AGAP1: variants seen among roughly 807,000 people sequenced by gnomAD.
AGAP1 encodes the protein ArfGAP with GTPase domain, ankyrin repeat and PH domain 1.
In AGAP1, 29 loss-of-function variants were observed where a neutral mutation model predicts 105.3. The observed-to-expected ratio is 0.28, with a 90% CI of 0.21 to 0.38. The LOEUF (loss-of-function observed/expected upper bound fraction) is 0.38. Ranked by LOEUF, AGAP1 falls within the 10% of genes least tolerant of loss-of-function variation. The pLI is 1.00. For missense variants in AGAP1, 998 were observed against 1,165.1 expected (o/e 0.86, Z 2.09); for synonymous variants, 509 against 485.9 (o/e 1.05, Z -0.63).
rs1945725512 is a variant in AGAP1 at position 235,601,371 on chromosome 2, TGTC to T, written c.163+106525_163+106527del. Among the ~76,000 whole-genome samples, 6 of 152,308 alleles carry T rather than the reference TGTC, an allele frequency of 3.9e-5. No homozygotes were observed. In the South Asian group the frequency reaches 1.0e-3, roughly 26 times the overall value. On this transcript the variant is annotated intron_variant, in intron 1 of 17. Coordinates refer to ENST00000304032, the MANE Select transcript of AGAP1 (RefSeq NM_001037131.3). The surrounding 1 kb of genome is among the most constrained non-coding windows in gnomAD (Gnocchi z 4.4). ...AAGAACACCAGTTGTATTAGTCTGT[TGTC>T]GTGCTGCTAATAAGCACATACCTGA...
At chr2:235,847,759 A>G (rs1351305497) in intron 9 of AGAP1, among the ~76,000 whole-genome samples, 1 of 152,178 alleles carries the variant, frequency 6.6e-6, no homozygotes, top group Non-Finnish European at 1.5e-5. Context: ...CCTAACGTGT[A>G]TCTCATGTGA....
intron 16 of AGAP1, among the ~76,000 whole-genome samples, chr2:236,060,768 A>C (rs2058169846): frequency 6.6e-6 from 1 of 152,220 alleles, no homozygotes; most frequent in African/African-American, 2.4e-5. Context: ...TCCAATTTAA[A>C]CATGGGCAAA....
chr2:235,611,366 A>C lies in AGAP1; in HGVS notation c.164-97813A>C, dbSNP rs530178854. On this transcript the variant is annotated intron_variant, in intron 1 of 17. Coordinates refer to ENST00000304032, the MANE Select transcript of AGAP1 (RefSeq NM_001037131.3). The surrounding 1 kb of genome is among the most constrained non-coding windows in gnomAD (Gnocchi z 5.0). ...ACGAATATAATAGAAAATGATGTTA[A>C]TATTCAAGGTCATGGCCATCCTCAA... is the stretch of plus-strand genomic sequence containing the variant. Among the ~76,000 whole-genome samples the C allele has an allele frequency of 6.6e-6, 1 of 152,348 alleles. No homozygotes were observed. Among genetic ancestry groups the C allele is most frequent in the East Asian group, 1.9e-4 (1 of 5,186 alleles).
intron 1 of AGAP1, among the ~76,000 whole-genome samples, chr2:235,657,573 G>T (rs1947814028): frequency 6.6e-6 from 1 of 152,114 alleles, no homozygotes; most frequent in South Asian, 2.1e-4. Flanking sequence ...TAGAGATGGG[G>T]GTTTCACCAT....
rs2059873963 is a variant in AGAP1 at position 236,120,467 on chromosome 2, G to T, written c.2370+20G>T. On this transcript the variant is annotated intron_variant, in intron 17 of 17. Transcript: ENST00000304032. The surrounding 1 kb of genome is among the most constrained non-coding windows in gnomAD (Gnocchi z 6.0). ...ATCTGGGTAGGTGGTCGGCACGCCT[G>T]GCAGAGGACGGGGCCACAGGAGGCA... is the stretch of plus-strand genomic sequence containing the variant. 6.2e-7 allele frequency: 1 copy of T among 1,610,516 alleles called. No individual in the cohort carries two copies. The highest frequency in any genetic ancestry group is 1.7e-5 in the Admixed American group (1 of 59,972).
intron 1 of AGAP1, among the ~76,000 whole-genome samples, chr2:235,529,156 A>G (rs1431116955): frequency 1.3e-5 from 2 of 152,092 alleles, no homozygotes; most frequent in Non-Finnish European, 1.5e-5. Context: ...CTGCGTTGTG[A>G]CAGAGCCCCT....
At chr2:235,501,332 C>G (rs1460523384) in intron 1 of AGAP1, among the ~76,000 whole-genome samples, 1 of 152,136 alleles carries the variant, frequency 6.6e-6, no homozygotes, top group Non-Finnish European at 1.5e-5. Context: ...GAGATTGTTG[C>G]TTTTTAATGT....
In AGAP1 at chr2:235,551,162, G is replaced by A. The variant is rs1009945924; in HGVS notation, c.163+56313G>A. Among the ~76,000 whole-genome samples the A allele has an allele frequency of 6.6e-6, 1 of 152,210 alleles. No individual in the cohort carries two copies. The highest frequency in any genetic ancestry group is 1.5e-5 in the Non-Finnish European group (1 of 68,040). On this transcript the variant is annotated intron_variant, in intron 1 of 17. Coordinates refer to ENST00000304032, the MANE Select transcript of AGAP1 (RefSeq NM_001037131.3). This position sits in a 1 kb window ranked among gnomAD's most constrained non-coding sequence, Gnocchi z 4.8. ...CCCACCTCCCTGGCCACCTCCAGTG[G>A]TGTGAGTTGGTTGCTTGATGTCATC... is the stretch of plus-strand genomic sequence containing the variant.
chr2:236,036,623 G>A lies in AGAP1; in HGVS notation c.1708G>A (p.Ala570Thr), dbSNP rs867640037. 12 of 1,614,192 alleles carry A rather than the reference G, an allele frequency of 7.4e-6. No individual in the cohort carries two copies. The highest frequency in any genetic ancestry group is 1.6e-4 in the Middle Eastern group (1 of 6,062). The change falls in exon 14 of 18, where the codon GCC becomes ACC. Residue 570 changes from alanine (A) to threonine (T), a missense_variant. Physicochemically the swap from Ala to Thr is moderately conservative, Grantham distance 58 (BLOSUM62 0). Around this residue, in one of 3 missense-constraint regions of AGAP1, gnomAD observed 735 missense variants for 833.4 expected, o/e 0.88. Coordinates refer to ENST00000304032, the MANE Select transcript of AGAP1 (RefSeq NM_001037131.3). The surrounding 1 kb of genome is among the most constrained non-coding windows in gnomAD (Gnocchi z 5.7). ...SLTGQTWHFE[A>T]TTYEERDAWV... ...CACTGGCCAAACATGGCACTTTGAA[G>A]CCACGACGTATGAGGAGCGGGACGC... is the stretch of plus-strand genomic sequence containing the variant.
intron 9 of AGAP1, among the ~76,000 whole-genome samples, chr2:235,839,221 C>T (rs1159778709): frequency 6.6e-6 from 1 of 152,186 alleles, no homozygotes; most frequent in African/African-American, 2.4e-5. Context: ...GAACACAAAC[C>T]TGTGCTTTTC....
intron 1 of AGAP1, among the ~76,000 whole-genome samples, chr2:235,653,357 G>A (rs553893170): frequency 2.6e-5 from 4 of 151,452 alleles, no homozygotes; most frequent in South Asian, 2.1e-4. Context: ...CCAGCTACTC[G>A]GGAGGCTGAG....
At chr2:235,540,764 C>A (rs1943409884) in intron 1 of AGAP1, among the ~76,000 whole-genome samples, 1 of 152,128 alleles carries the variant, frequency 6.6e-6, no homozygotes, top group Non-Finnish European at 1.5e-5. Flanking sequence ...GACGTGCACC[C>A]CCTTCACTTT....
chr2:236,090,528 G>C lies in AGAP1; in HGVS notation c.2115-29664G>C, dbSNP rs1424709594. Among the ~76,000 whole-genome samples, 3 of 152,174 alleles carry C rather than the reference G, an allele frequency of 2.0e-5. No homozygotes were observed. Among genetic ancestry groups the C allele is most frequent in the African/African-American group, 7.2e-5 (3 of 41,430 alleles). On this transcript the variant is annotated intron_variant, in intron 16 of 17. Coordinates refer to ENST00000304032, the MANE Select transcript of AGAP1 (RefSeq NM_001037131.3). This position sits in a 1 kb window ranked among gnomAD's most constrained non-coding sequence, Gnocchi z 4.3. ...AACAGAGGCATGGAAAAGCAAACGG[G>C]CTTTGCCAAGCGAGTGAGAGGCGGG...
intron 13 of AGAP1, among the ~76,000 whole-genome samples, chr2:236,017,297 A>AG (rs1239476642): frequency 6.6e-6 from 1 of 151,842 alleles, no homozygotes; most frequent in Non-Finnish European, 1.5e-5. Context: ...CATCTCAAAA[A>AG]AAAAAAAAAA....
chr2:235,670,305 T>C (rs1294799638), intron 1 of AGAP1: 14 of 456,724 alleles, frequency 3.1e-5, no homozygotes, highest in Non-Finnish European at 5.3e-5. Flanking sequence ...CCCGGGAGGC[T>C]TGAGGAGGAG....
At chr2:235,928,047 G>A (rs959617700) in intron 11 of AGAP1, among the ~76,000 whole-genome samples, 7 of 152,198 alleles carry the variant, frequency 4.6e-5, no homozygotes, top group African/African-American at 1.7e-4. Context: ...AGGTAGAGCA[G>A]GCCCAGAAGT....
At position 236,043,745 on chromosome 2, in the gene AGAP1, G is replaced by GGGGGGC. The variant is rs5839620; in HGVS notation, c.1891+2905_1891+2906insGGGGCG. ...CAAGGGAAAAAAAAAAAGTGGGGGG[G>GGGGGGC]GTGCTTAATTGAGATAAAGAAACTT... On this transcript the variant is annotated intron_variant, in intron 15 of 17. Transcript: ENST00000304032. 8.2e-4 allele frequency among the ~76,000 whole-genome samples: 123 copies of GGGGGGC among 149,122 alleles called. 2 individuals carry two copies. The highest frequency in any genetic ancestry group is 3.0e-3 in the African/African-American group (117 of 39,612).
At chr2:236,064,000 C>T (rs914582415) in intron 16 of AGAP1, among the ~76,000 whole-genome samples, 1 of 152,202 alleles carries the variant, frequency 6.6e-6, no homozygotes, top group African/African-American at 2.4e-5. Context: ...TGATGACTTA[C>T]CTATAAGTCT....
chr2:235,525,677 T>A (rs1276643137), intron 1 of AGAP1, among the ~76,000 whole-genome samples: 2 of 87,220 alleles, frequency 2.3e-5, no homozygotes, highest in Non-Finnish European at 4.7e-5. Context: ...GAGGACTGAT[T>A]TATAAAGTAG....
Sources: allele counts gnomAD v4.1 joint callset (sites outside exome capture counted in the v4.1 genomes callset), GRCh38; gene constraint gnomAD v4.1.1; regional missense constraint gnomAD v4.1.1; non-coding constraint Gnocchi (gnomAD v3.1); transcripts MANE v1.5; gene names NCBI Gene and HGNC (gene_info 2026-07-23, HGNC 2026-07-21).